Variants in OSBPL11 observed in about 807,000 individuals in gnomAD.
The protein encoded by OSBPL11 is oxysterol binding protein like 11.
OSBPL11 carries 33 observed loss-of-function variants against 84.4 expected under a neutral mutation model. The ratio of observed to expected loss-of-function variants is 0.39; its 90% CI spans 0.30 to 0.52. The LOEUF (loss-of-function observed/expected upper bound fraction) is 0.52. Among genes scored for constraint, OSBPL11 ranks in the 20% least tolerant of loss-of-function variants. The probability of loss-of-function intolerance (pLI) is 0.72; values close to 1 mark genes in which losing one functional copy is unlikely to be tolerated. For missense variants in OSBPL11, 736 were observed against 901.1 expected, an observed-to-expected ratio of 0.82 and a Z score of 2.35; for synonymous variants, 276 against 310.2, an observed-to-expected ratio of 0.89 and a Z score of 1.16.
Position 125,595,307 on chromosome 3 carries a change from G to A in OSBPL11, c.-507C>T, listed in dbSNP as rs978704180. ...CCCCCGAGATACAGCCAGGGCCGGC[G>A]CGCGCAGCCGGGGAGGAGGGTCGGG... On this transcript the variant is annotated 5_prime_UTR_variant, in exon 1 of 13. Transcript: ENST00000296220. 5.9e-5 allele frequency among the ~76,000 whole-genome samples: 9 copies of A among 152,196 alleles called. No individual in the cohort carries two copies. Among genetic ancestry groups the A allele is most frequent in the African/African-American group, 1.9e-4 (8 of 41,540 alleles).
chr3:125,582,333 C>CAA (rs1235720161), intron 2 of OSBPL11, among the ~76,000 whole-genome samples: 4 of 111,990 alleles, frequency 3.6e-5, no homozygotes, highest in East Asian at 2.5e-4. Context: ...GACTCCGTCT[C>CAA]AAAAAAAAAA....
intron 1 of OSBPL11, among the ~76,000 whole-genome samples, chr3:125,594,164 C>T (rs182254759): frequency 1.2e-4 from 19 of 152,296 alleles, no homozygotes; most frequent in Non-Finnish European, 2.1e-4. Flanking sequence ...ATGTACATTC[C>T]CCTTTCCAAG....
chr3:125,581,714 A>G (rs1443413263), intron 2 of OSBPL11, among the ~76,000 whole-genome samples: 12 of 151,098 alleles, frequency 7.9e-5, no homozygotes, highest in African/African-American at 2.7e-4. Context: ...AAAAAAAAAA[A>G]AAAAAGTAAC....
intron 11 of OSBPL11, among the ~76,000 whole-genome samples, chr3:125,534,184 C>G (rs1389910557): frequency 6.6e-6 from 1 of 151,972 alleles, no homozygotes; most frequent in African/African-American, 2.4e-5. Flanking sequence ...AGTTTGAGAC[C>G]AGCCTGGCCA....
rs114100508 is a variant in OSBPL11, at chr3:125,532,848, C to G, written c.2025-834G>C. Among the ~76,000 whole-genome samples, 338 of 125,016 alleles carry G rather than the reference C, an allele frequency of 2.7e-3. 1 individual carries two copies. The highest frequency in any genetic ancestry group is 0.011 in the African/African-American group (328 of 29,338). 82.0% of individuals were successfully genotyped at this position (125,016 alleles called of 152,430 possible). A position where few individuals can be genotyped will look rare whatever the true frequency, so the allele number is the denominator to read the frequency against. ...TATATCCATACAGTGCAATACTATT[C>G]AGCAATAAAAAGCAATGAACCACTG... is the stretch of plus-strand genomic sequence containing the variant. On this transcript the variant is annotated intron_variant, in intron 11 of 12. Coordinates refer to ENST00000296220, the MANE Select transcript of OSBPL11 (RefSeq NM_022776.5).
At chr3:125,576,425 T>A in intron 4 of OSBPL11, 60 bp from the exon 5 acceptor site, 5 of 1,345,074 alleles carry the variant, frequency 3.7e-6, no homozygotes, top group Non-Finnish European at 5.0e-6. Context: ...TTTCTAACCA[T>A]CAAACTACCA....
At chr3:125,594,465 A>G (rs1010063281) in intron 1 of OSBPL11, among the ~76,000 whole-genome samples, 172 bp downstream of exon 1, 3 of 152,258 alleles carry the variant, frequency 2.0e-5, no homozygotes, top group Non-Finnish European at 4.4e-5. Context: ...TGAATGAACA[A>G]ATGAATGGAT....
chr3:125,539,575 G>A (rs1935696423), intron 10 of OSBPL11, among the ~76,000 whole-genome samples: 1 of 151,736 alleles, frequency 6.6e-6, no homozygotes, highest in South Asian at 2.1e-4. Context: ...CAAGTAGCTG[G>A]AGTAGCTGGG....
intron 5 of OSBPL11, among the ~76,000 whole-genome samples, chr3:125,571,671 A>G (rs1343949325): frequency 2.6e-5 from 4 of 152,224 alleles, no homozygotes; most frequent in Non-Finnish European, 5.9e-5. Context: ...CAGGTGCCTC[A>G]GGCCTTGGCA....
chr3:125,556,281 G>A (rs989332011), intron 8 of OSBPL11, among the ~76,000 whole-genome samples: 2 of 152,114 alleles, frequency 1.3e-5, no homozygotes, highest in Admixed American at 6.5e-5. Context: ...CAAACCTCAG[G>A]ATAAAATAGC....
chr3:125,549,658 T>A (rs1261400496), intron 9 of OSBPL11, among the ~76,000 whole-genome samples: 7 of 152,084 alleles, frequency 4.6e-5, no homozygotes, highest in South Asian at 2.1e-4. Flanking sequence ...ATTTTTTTTT[T>A]TAAATTTTTG....
chr3:125,588,536 T>C (rs973234408), intron 1 of OSBPL11, among the ~76,000 whole-genome samples: 1 of 152,202 alleles, frequency 6.6e-6, no homozygotes, highest in African/African-American at 2.4e-5. Context: ...GGTATTTAAC[T>C]ACAGGCAGGA....
chr3:125,559,405 T>C (rs145012193), intron 8 of OSBPL11, among the ~76,000 whole-genome samples: 1 of 152,144 alleles, frequency 6.6e-6, no homozygotes, highest in Admixed American at 6.6e-5. Context: ...CCTTTTTTTT[T>C]AGTGATGGAG....
Position 125,583,630 on chromosome 3 carries a change from CATG to C in OSBPL11, c.165-655_165-653del, listed in dbSNP as rs1936461777. Reference sequence around the variant, plus strand: ...AAAGGGCTGAGTGCAGTGGCTCACACATGTAATCCCAACACTTTGGGAGATCAA... The same window carrying C: ...AAAGGGCTGAGTGCAGTGGCTCACACTAATCCCAACACTTTGGGAGATCAA... On this transcript the variant is annotated intron_variant, in intron 1 of 12. Coordinates refer to ENST00000296220, the MANE Select transcript of OSBPL11 (RefSeq NM_022776.5). Among the ~76,000 whole-genome samples the C allele has an allele frequency of 2.1e-5, 3 of 144,712 alleles. No individual in the cohort carries two copies. In the South Asian group the frequency reaches 6.8e-4, roughly 33 times the overall value. The allele number at this position is 144,712 out of a possible 152,430, so 94.9% of individuals were successfully genotyped here. A position where few individuals can be genotyped will look rare whatever the true frequency, so the allele number is the denominator to read the frequency against.
intron 4 of OSBPL11, among the ~76,000 whole-genome samples, chr3:125,578,082 C>A (rs1392769004): frequency 6.6e-6 from 1 of 152,092 alleles, no homozygotes; most frequent in Non-Finnish European, 1.5e-5. Context: ...TGAAAGTGTT[C>A]ATGGCAGCAT....
intron 3 of OSBPL11, among the ~76,000 whole-genome samples, 177 bp downstream of exon 3, chr3:125,579,688 T>C (rs916143145): frequency 6.6e-6 from 1 of 152,216 alleles, no homozygotes; most frequent in Admixed American, 6.5e-5. Flanking sequence ...TTGAAAACAG[T>C]TACTTATTAC....
At chr3:125,557,557 T>C (rs918186092) in intron 8 of OSBPL11, among the ~76,000 whole-genome samples, 1 of 152,004 alleles carries the variant, frequency 6.6e-6, no homozygotes, top group African/African-American at 2.4e-5. Flanking sequence ...AATTTGTTTT[T>C]AGTAGAGACG....
intron 2 of OSBPL11, 84 bp from the exon 3 acceptor site, chr3:125,580,124 T>G (rs1936400703): frequency 1.8e-6 from 2 of 1,135,266 alleles, no homozygotes; most frequent in East Asian, 4.9e-5. Flanking sequence ...CACTTACACA[T>G]TTCAGGGTTT....
At chr3:125,543,104 T>C (rs906036367) in intron 10 of OSBPL11, among the ~76,000 whole-genome samples, 38 of 151,510 alleles carry the variant, frequency 2.5e-4, no homozygotes, top group African/African-American at 9.2e-4. Flanking sequence ...CCAATACCTT[T>C]CCCTCCTGGG....
Sources: gnomAD v4.1 joint callset for allele counts (sites outside exome capture counted in the v4.1 genomes callset) on GRCh38, gnomAD v4.1.1 for gene constraint, MANE v1.5 for transcripts, NCBI Gene and HGNC (gene_info 2026-07-23, HGNC 2026-07-21) for gene names.